Variants in BIN1 observed in about 807,000 individuals in gnomAD.
BIN1 encodes myc box-dependent-interacting protein 1.
A neutral mutation model predicts 82.0 loss-of-function variants in BIN1; 53 were observed. The observed-to-expected ratio is 0.65, with a 90% CI of 0.52 to 0.81. The LOEUF (loss-of-function observed/expected upper bound fraction) is 0.81, where lower values mean the gene tolerates loss of function less well. BIN1 is among the 40% of genes least tolerant of loss of function. The probability of loss-of-function intolerance (pLI) is 0.00; values close to 1 mark genes in which losing one functional copy is unlikely to be tolerated. For missense variants in BIN1, 642 were observed against 784.4 expected, an observed-to-expected ratio of 0.82 and a Z score of 2.17; for synonymous variants, 302 against 328.0, an observed-to-expected ratio of 0.92 and a Z score of 0.86.
Position 127,057,726 on chromosome 2 carries a change from T to C in BIN1, c.1003-125A>G, listed in dbSNP as rs1683891070. 8.2e-7 allele frequency: 1 copy of C among 1,215,026 alleles called. No individual in the cohort carries two copies. The highest frequency in any genetic ancestry group is 3.3e-5 in the Admixed American group (1 of 30,322). 75.3% of individuals were successfully genotyped at this position (1,215,026 alleles called of 1,614,324 possible). On this transcript the variant is annotated intron_variant, in intron 11 of 18. Transcript: ENST00000316724. This position sits in a 1 kb window ranked among gnomAD's most constrained non-coding sequence, Gnocchi z 5.0. ...CAGGCCACAGTCCCACCCAGGCCAC[T>C]GAGCAGGACGCAGCAAATGAAGAGT...
rs1573579252 is a variant in BIN1, at chr2:127,058,880, T to C, written c.1002+131A>G. Reference sequence around the variant, plus strand: ...ACCCAGGTCCAGGCCCAACCCCCACTGGGCAAAGCATCGGGTCCATAGCTG... The same window carrying C: ...ACCCAGGTCCAGGCCCAACCCCCACCGGGCAAAGCATCGGGTCCATAGCTG... On this transcript the variant is annotated intron_variant, in intron 11 of 18. Coordinates refer to ENST00000316724, the MANE Select transcript of BIN1 (RefSeq NM_139343.3). The C allele has an allele frequency of 3.6e-6, 5 of 1,391,780 alleles. No individual in the cohort carries two copies. In the East Asian group the frequency reaches 7.5e-5, roughly 21 times the overall value. The allele number at this position is 1,391,780 out of a possible 1,614,324, so 86.2% of individuals were successfully genotyped here. A position where few individuals can be genotyped will look rare whatever the true frequency, so the allele number is the denominator to read the frequency against.
chr2:127,065,012 C>T (rs1684969234), intron 7 of BIN1: 1 of 152,326 alleles, frequency 6.6e-6, no homozygotes, highest in African/African-American at 2.4e-5. Flanking sequence ...CTCACGTTCT[C>T]AGGCCGGGGC....
chr2:127,095,353 G>A (rs11695710), intron 1 of BIN1, among the ~76,000 whole-genome samples: 60,348 of 152,026 alleles, frequency 0.4, 12,191 homozygotes, highest in Middle Eastern at 0.49. Flanking sequence ...GATTCCTGTC[G>A]GTACCCAGGT....
intron 1 of BIN1, among the ~76,000 whole-genome samples, chr2:127,086,492 T>G (rs948860974): frequency 6.6e-6 from 1 of 151,608 alleles, no homozygotes; most frequent in African/African-American, 2.4e-5. Context: ...CGCCCCCACA[T>G]GGTAATCCAT....
Position 127,106,974 on chromosome 2 carries a change from C to T in BIN1, c.-31G>A. 1 of 1,597,254 alleles carries T rather than the reference C, an allele frequency of 6.3e-7. No individual in the cohort carries two copies. The highest frequency in any genetic ancestry group is 1.1e-5 in the South Asian group (1 of 89,034). On this transcript the variant is annotated 5_prime_UTR_variant, in exon 1 of 19. Transcript: ENST00000316724. Reference sequence around the variant, plus strand: ...CGCAGGCCTCGCCCGGTGGCAGGGGCCGCTCTCGCGCGGGGAGATCTTGCG... The same window carrying T: ...CGCAGGCCTCGCCCGGTGGCAGGGGTCGCTCTCGCGCGGGGAGATCTTGCG...
chr2:127,091,923 G>T (rs1429051648), intron 1 of BIN1, among the ~76,000 whole-genome samples: 1 of 152,028 alleles, frequency 6.6e-6, no homozygotes, highest in Non-Finnish European at 1.5e-5. Flanking sequence ...ATAGGGGCTG[G>T]TGGGTGGGGG....
chr2:127,081,782 G>A, intron 1 of BIN1: 1 of 1,282,996 alleles, frequency 7.8e-7, no homozygotes, highest in Non-Finnish European at 1.0e-6. Context: ...TCCCTCCCAG[G>A]CACCCACCAC....
chr2:127,088,479 T>TA (rs1678474496), intron 1 of BIN1, among the ~76,000 whole-genome samples: 2 of 152,050 alleles, frequency 1.3e-5, no homozygotes, highest in African/African-American at 2.4e-5. Flanking sequence ...CTCACACCTG[T>TA]AATCCCAGCA....
At chr2:127,070,469 G>A (rs879099813) in intron 4 of BIN1, 84 bp downstream of exon 4, 10 of 1,497,774 alleles carry the variant, frequency 6.7e-6, no homozygotes, top group Non-Finnish European at 9.1e-6. Flanking sequence ...AGAGAGGCTT[G>A]TCCCAGAGGG....
At chr2:127,088,360 G>A (rs995277413) in intron 1 of BIN1, among the ~76,000 whole-genome samples, 16 of 151,854 alleles carry the variant, frequency 1.1e-4, no homozygotes, top group African/African-American at 2.4e-5. Flanking sequence ...TCTATGGGAA[G>A]CCAAGCAAGG....
chr2:127,064,388 T>C (rs1463420220), intron 7 of BIN1, among the ~76,000 whole-genome samples: 1 of 152,164 alleles, frequency 6.6e-6, no homozygotes, highest in Non-Finnish European at 1.5e-5. Context: ...CCCTGCCCAC[T>C]TCCACAATGA....
intron 18 of BIN1, among the ~76,000 whole-genome samples, chr2:127,050,037 G>C (rs1682689154): frequency 6.6e-6 from 1 of 152,240 alleles, no homozygotes; most frequent in Non-Finnish European, 1.5e-5. Context: ...GGGCGGGGCA[G>C]GAGGGGTCAA....
chr2:127,103,323 C>A (rs774654889), intron 1 of BIN1, among the ~76,000 whole-genome samples: 3 of 152,180 alleles, frequency 2.0e-5, no homozygotes, highest in Non-Finnish European at 4.4e-5. Context: ...ACCTTGACCA[C>A]GCAGCTGAGC....
rs1682826512 is a variant in BIN1, at chr2:127,050,788, G to A, written c.1572+14C>T. ...GCACCGAGGGACTGCAGCAGTCAGA[G>A]GCTGTGGGCTCACCTTGAACATGAA... On this transcript the variant is annotated intron_variant, in intron 17 of 18. Transcript: ENST00000316724. 6.2e-7 allele frequency: 1 copy of A among 1,612,332 alleles called. No homozygotes were observed. The highest frequency in any genetic ancestry group is 1.7e-5 in the Admixed American group (1 of 60,008).
chr2:127,053,946 G>T lies in BIN1; in HGVS notation c.1198C>A (p.Pro400Thr), dbSNP rs769252326. 1.4e-5 allele frequency: 22 copies of T among 1,551,568 alleles called. No individual in the cohort carries two copies. The Admixed American group carries it at 2.0e-4, about 14-fold the overall frequency. Reference protein sequence around the residue: ...LLDLDFDPLPPVTSPVKAPTP... With the variant: ...LLDLDFDPLPTVTSPVKAPTP... Reference sequence around the variant, plus strand: ...GGTGCCTTCACAGGGCTCGTCACGGGCGGGAGGGGGTCAAAGTCCAGGTCC... The same window carrying T: ...GGTGCCTTCACAGGGCTCGTCACGGTCGGGAGGGGGTCAAAGTCCAGGTCC... The change falls in exon 13 of 19, where the codon CCC becomes ACC. Residue 400 changes from proline (P) to threonine (T), a missense_variant. Physicochemically the swap from Pro to Thr is conservative, Grantham distance 38. Coordinates refer to ENST00000316724, the MANE Select transcript of BIN1 (RefSeq NM_139343.3).
At position 127,068,123 on chromosome 2, in the gene BIN1, G is replaced by T; in HGVS notation, c.612+40C>A. 1.3e-6 allele frequency: 2 copies of T among 1,586,996 alleles called. No homozygotes were observed. Among genetic ancestry groups the T allele is most frequent in the Non-Finnish European group, 1.7e-6 (2 of 1,161,524 alleles). ...GGGCGAGAGGACAGGACGACAGACC[G>T]GAAGGCGCCAGCACGTGCAAGGTTA... On this transcript the variant is annotated intron_variant, in intron 7 of 18. Transcript: ENST00000316724. This position sits in a 1 kb window ranked among gnomAD's most constrained non-coding sequence, Gnocchi z 4.9.
At position 127,057,733 on chromosome 2, in the gene BIN1, G is replaced by T; in HGVS notation, c.1003-132C>A. The T allele has an allele frequency of 8.4e-7, 1 of 1,185,374 alleles. No individual in the cohort carries two copies. Among genetic ancestry groups the T allele is most frequent in the Non-Finnish European group, 1.1e-6 (1 of 901,778 alleles). The allele number at this position is 1,185,374 out of a possible 1,614,324, so 73.4% of individuals were successfully genotyped here. ...CAGTCCCACCCAGGCCACTGAGCAG[G>T]ACGCAGCAAATGAAGAGTCACTGCC... On this transcript the variant is annotated intron_variant, in intron 11 of 18. Coordinates refer to ENST00000316724, the MANE Select transcript of BIN1 (RefSeq NM_139343.3). This position sits in a 1 kb window ranked among gnomAD's most constrained non-coding sequence, Gnocchi z 5.0.
chr2:127,048,548 T>C lies in BIN1; in HGVS notation c.1760A>G (p.Asn587Ser). ...LEKCRGVFPE[N>S]FTERVP ...CCGTCATGGGACCCTCTCAGTGAAG[T>C]TCTCGGGGAAGACGCCACGGCACTT... Residue 587 changes from asparagine (N) to serine (S), a missense_variant, in exon 19 of 19, where the codon AAC becomes AGC. Transcript: ENST00000316724. 1 of 1,612,654 alleles carries C rather than the reference T, an allele frequency of 6.2e-7. No individual in the cohort carries two copies. The highest frequency in any genetic ancestry group is 8.5e-7 in the Non-Finnish European group (1 of 1,179,572).
chr2:127,078,599 G>A (rs1057225851), intron 1 of BIN1, among the ~76,000 whole-genome samples: 1 of 152,150 alleles, frequency 6.6e-6, no homozygotes, highest in Admixed American at 6.5e-5. Context: ...TACAGCGGTC[G>A]GGACACAGCC....
Sources: gnomAD v4.1 joint callset for allele counts (sites outside exome capture counted in the v4.1 genomes callset) on GRCh38, gnomAD v4.1.1 for gene constraint, Gnocchi (gnomAD v3.1) non-coding constraint, MANE v1.5 for transcripts, NCBI Gene and HGNC (gene_info 2026-07-23, HGNC 2026-07-21) for gene names.